The following FUT8 variants were observed in gnomAD, a reference collection of about 807,000 sequenced individuals.
FUT8 encodes the protein alpha-(1,6)-fucosyltransferase.
A neutral mutation model predicts 71.3 loss-of-function variants in FUT8; 29 were observed. The observed-to-expected ratio is 0.41, with a 90% CI of 0.30 to 0.55. FUT8 has a LOEUF of 0.55. FUT8 is among the 20% of genes least tolerant of loss of function. The pLI is 0.34. For synonymous variants in FUT8, 254 were observed against 239.3 expected (o/e 1.06, Z -0.57); for missense variants, 544 against 702.1 (o/e 0.77, Z 2.55).
intron 9 of FUT8, among the ~76,000 whole-genome samples, chr14:65,727,191 T>C (rs1019393821): frequency 1.3e-5 from 2 of 152,142 alleles, no homozygotes; most frequent in African/African-American, 4.8e-5. Context: ...TTCTGGAGTC[T>C]GGAGGATGGT....
intron 1 of FUT8, among the ~76,000 whole-genome samples, chr14:65,449,626 C>T (rs1259563561): frequency 6.6e-6 from 1 of 152,188 alleles, no homozygotes; most frequent in African/African-American, 2.4e-5. Flanking sequence ...CATTGAGGTC[C>T]TGCCTTACTG....
chr14:65,523,942 T>C (rs1230087393), intron 2 of FUT8, among the ~76,000 whole-genome samples: 1 of 152,256 alleles, frequency 6.6e-6, no homozygotes, highest in East Asian at 1.9e-4. Context: ...ATCTCTGTTT[T>C]GGTACCAGTA....
upstream of FUT8, among the ~76,000 whole-genome samples, chr14:65,405,624 T>C (rs181722251): frequency 7.9e-5 from 12 of 152,252 alleles, no homozygotes; most frequent in African/African-American, 2.9e-4. Context: ...GGAAACAATA[T>C]TGGAAGGATA....
intron 1 of FUT8, among the ~76,000 whole-genome samples, chr14:65,439,993 T>TATATATACAC (rs1555361023): frequency 3.6e-5 from 5 of 138,168 alleles, no homozygotes; most frequent in African/African-American, 1.3e-4. Context: ...TATATATATG[T>TATATATACAC]ACACACACAC....
intron 1 of FUT8, among the ~76,000 whole-genome samples, chr14:65,414,772 C>T (rs2065194586): frequency 6.6e-6 from 1 of 152,146 alleles, no homozygotes; most frequent in African/African-American, 2.4e-5. Context: ...AGCTGAACAG[C>T]TGGAATGAAA....
In FUT8 at chr14:65,514,877, A is replaced by G. The variant is rs558265733; in HGVS notation, c.-227-46460A>G. 9.1e-4 allele frequency among the ~76,000 whole-genome samples: 138 copies of G among 152,252 alleles called. 1 individual carries two copies. Among genetic ancestry groups the G allele is most frequent in the African/African-American group, 3.2e-3 (134 of 41,550 alleles). On this transcript the variant is annotated intron_variant, in intron 2 of 10. Transcript: ENST00000673929. ...AAAATGGAGATAATGCCTACCTTAC[A>G]AATTGATGGTGAGAATTAAATGAGG...
chr14:65,702,813 A>T (rs1223761469), intron 7 of FUT8, among the ~76,000 whole-genome samples: 1 of 151,730 alleles, frequency 6.6e-6, no homozygotes, highest in African/African-American at 2.4e-5. Context: ...ATCTCGGCTC[A>T]CTGCAACCTC....
At chr14:65,631,266 A>T (rs1201851590) in intron 6 of FUT8, among the ~76,000 whole-genome samples, 1 of 152,200 alleles carries the variant, frequency 6.6e-6, no homozygotes, top group Non-Finnish European at 1.5e-5. Context: ...ATTTCCTCTT[A>T]TTCGTTAAAT....
intron 3 of FUT8, among the ~76,000 whole-genome samples, chr14:65,564,769 C>G (rs1156560563): frequency 6.6e-6 from 1 of 152,010 alleles, no homozygotes; most frequent in Non-Finnish European, 1.5e-5. Flanking sequence ...AATTGAATTA[C>G]ATAGTATGTA....
At chr14:65,611,860 C>T (rs924496279) in intron 3 of FUT8, among the ~76,000 whole-genome samples, 12 of 152,078 alleles carry the variant, frequency 7.9e-5, no homozygotes, top group African/African-American at 2.4e-4. Flanking sequence ...AGTATTTCAC[C>T]ATGTTGGCCA....
intron 1 of FUT8, among the ~76,000 whole-genome samples, chr14:65,414,167 G>A (rs1167503046): frequency 2.0e-5 from 3 of 152,104 alleles, no homozygotes; most frequent in Non-Finnish European, 4.4e-5. Context: ...AAGGTTTTGC[G>A]GAACAAATTC....
At chr14:65,399,296 G>A in the FUT8 span, among the ~76,000 whole-genome samples, 3 of 152,272 alleles carry the variant, frequency 2.0e-5, no homozygotes, top group South Asian at 2.1e-4. Flanking sequence ...CAGCTAGGGC[G>A]ATAGAGCGAG....
rs920921649 is a variant in FUT8 at position 65,662,177 on chromosome 14, C to A, written c.598-7066C>A. 3.3e-5 allele frequency among the ~76,000 whole-genome samples: 5 copies of A among 152,072 alleles called. No individual in the cohort carries two copies. In the South Asian group the frequency reaches 8.3e-4, roughly 25 times the overall value. ...GCCTGTAATCCCAGCACTTTGGGAG[C>A]CTGACGTGGGAGAATGGCTTAAGCT... is the stretch of plus-strand genomic sequence containing the variant. On this transcript the variant is annotated intron_variant, in intron 6 of 10. Transcript: ENST00000673929.
At chr14:65,693,108 G>A (rs1237116140) in intron 7 of FUT8, among the ~76,000 whole-genome samples, 1 of 152,202 alleles carries the variant, frequency 6.6e-6, no homozygotes, top group African/African-American at 2.4e-5. Flanking sequence ...ACGGGGTGGC[G>A]GCCAGGCAGA....
At chr14:65,521,548 C>T (rs1883081363) in intron 2 of FUT8, among the ~76,000 whole-genome samples, 1 of 152,140 alleles carries the variant, frequency 6.6e-6, no homozygotes, top group Non-Finnish European at 1.5e-5. Flanking sequence ...TTGAGTGATG[C>T]TCTGAATTTG....
intron 1 of FUT8, among the ~76,000 whole-genome samples, chr14:65,425,551 A>G (rs1176097323): frequency 1.4e-5 from 2 of 147,164 alleles, no homozygotes; most frequent in Non-Finnish European, 3.0e-5. Context: ...TAAAAATTGT[A>G]TATATTTAAG....
rs1891924802 is a variant in FUT8, at chr14:65,660,846, C to T, written c.598-8397C>T. On this transcript the variant is annotated intron_variant, in intron 6 of 10. Coordinates refer to ENST00000673929, the MANE Select transcript of FUT8 (RefSeq NM_001371533.1). The surrounding 1 kb of genome is among the most constrained non-coding windows in gnomAD (Gnocchi z 4.1). ...TGGAGTACTTCAGTTCTCTTATTTG[C>T]TTCATTACCTTTTCTCCTTGGTTTT... Among the ~76,000 whole-genome samples the T allele has an allele frequency of 6.6e-6, 1 of 152,108 alleles. No homozygotes were observed. Among genetic ancestry groups the T allele is most frequent in the Non-Finnish European group, 1.5e-5 (1 of 67,996 alleles).
Position 65,660,925 on chromosome 14 carries a change from T to C in FUT8, c.598-8318T>C, listed in dbSNP as rs145212974. On this transcript the variant is annotated intron_variant, in intron 6 of 10. Coordinates refer to ENST00000673929, the MANE Select transcript of FUT8 (RefSeq NM_001371533.1). The surrounding 1 kb of genome is among the most constrained non-coding windows in gnomAD (Gnocchi z 4.1). ...ATTGTTTCTAATATAATGAAATGCT[T>C]TCACTACACTATTAATGAATTCGTT... Among the ~76,000 whole-genome samples the C allele has an allele frequency of 6.6e-6, 1 of 152,208 alleles. No individual in the cohort carries two copies. Among genetic ancestry groups the C allele is most frequent in the Non-Finnish European group, 1.5e-5 (1 of 68,042 alleles).
the FUT8 span, among the ~76,000 whole-genome samples, chr14:65,398,140 C>T: frequency 6.6e-6 from 1 of 152,260 alleles, no homozygotes; most frequent in East Asian, 1.9e-4. Context: ...GTCACAAATA[C>T]AGAAGGACCT....
Sources: allele counts gnomAD v4.1 joint callset (sites outside exome capture counted in the v4.1 genomes callset), GRCh38; gene constraint gnomAD v4.1.1; non-coding constraint Gnocchi (gnomAD v3.1); transcripts MANE v1.5; gene names NCBI Gene and HGNC (gene_info 2026-07-23, HGNC 2026-07-21).